The following EBF3 variants were observed in gnomAD, a reference collection of about 807,000 sequenced individuals.
The protein encoded by EBF3 is transcription factor COE3.
EBF3 carries 18 observed loss-of-function variants against 77.1 expected under a neutral mutation model. The observed-to-expected ratio is 0.23, with a 90% confidence interval of 0.16 to 0.35. EBF3 has a LOEUF of 0.35. Among genes scored for constraint, EBF3 ranks in the 10% least tolerant of loss-of-function variants. EBF3 has a pLI of 1.00. For synonymous variants in EBF3, 350 were observed against 343.5 expected, an observed-to-expected ratio of 1.02 and a Z score of -0.21; for missense variants, 558 against 860.0, an observed-to-expected ratio of 0.65 and a Z score of 4.39.
intron 6 of EBF3, among the ~76,000 whole-genome samples, chr10:129,945,833 C>A (rs905750037): frequency 6.6e-6 from 1 of 152,136 alleles, no homozygotes; most frequent in Non-Finnish European, 1.5e-5. Context: ...TCATTATTTT[C>A]GCCTAAACAA....
intron 10 of EBF3, among the ~76,000 whole-genome samples, chr10:129,862,598 C>T (rs1471402823): frequency 6.6e-6 from 1 of 152,196 alleles, no homozygotes; most frequent in Non-Finnish European, 1.5e-5. Context: ...AGTCAAGCCA[C>T]CTCTCCCAAC....
intron 6 of EBF3, among the ~76,000 whole-genome samples, chr10:129,922,624 C>A (rs1856388709): frequency 6.6e-6 from 1 of 152,240 alleles, no homozygotes; most frequent in Non-Finnish European, 1.5e-5. Context: ...GCCGTCCTTG[C>A]ACGGCAGGCT....
At chr10:129,953,073 AAAG>A (rs1403947674) in intron 6 of EBF3, among the ~76,000 whole-genome samples, 2 of 151,864 alleles carry the variant, frequency 1.3e-5, no homozygotes, top group Non-Finnish European at 2.9e-5. Context: ...GAAAGAAAAG[AAAG>A]AAGAAAGACA....
intron 10 of EBF3, among the ~76,000 whole-genome samples, chr10:129,854,034 C>T (rs1437976248): frequency 6.6e-6 from 1 of 152,090 alleles, no homozygotes; most frequent in Non-Finnish European, 1.5e-5. Context: ...AATGTGTGGC[C>T]ACGGAAGACA....
rs547553389 is a variant in EBF3, at chr10:129,957,547, G to A, written c.486-221C>T. Among the ~76,000 whole-genome samples, 27 of 152,276 alleles carry A rather than the reference G, an allele frequency of 1.8e-4. 1 individual carries two copies. The South Asian group carries it at 5.4e-3, about 30-fold the overall frequency. On this transcript the variant is annotated intron_variant, in intron 5 of 16. Transcript: ENST00000440978. The stretch of plus-strand genomic sequence containing the variant: ...AAGTTGAACCTATCTGTTAATACCA[G>A]GAGGGTAACCAGAGTACTATATAGA...
chr10:129,885,570 CCTAT>C lies in EBF3; in HGVS notation c.555-7725_555-7722del, dbSNP rs1295629761. On this transcript the variant is annotated intron_variant, in intron 6 of 16. Transcript: ENST00000440978. This position sits in a 1 kb window ranked among gnomAD's most constrained non-coding sequence, Gnocchi z 4.0. ...TACACTAGGGTTCTTGTTTCAAGTG[CCTAT>C]CTTTCTTTCCCCCCTTTACCTATTT... 1.3e-5 allele frequency among the ~76,000 whole-genome samples: 2 copies of C among 152,118 alleles called. No individual in the cohort carries two copies. The highest frequency in any genetic ancestry group is 2.9e-5 in the Non-Finnish European group (2 of 68,030).
intron 10 of EBF3, among the ~76,000 whole-genome samples, chr10:129,865,102 G>GA (rs941281565): frequency 1.3e-5 from 2 of 152,162 alleles, no homozygotes; most frequent in Admixed American, 1.3e-4. Flanking sequence ...GGACTCAGGG[G>GA]CATGTGGTAC....
At chr10:129,948,102 C>T (rs779420949) in intron 6 of EBF3, among the ~76,000 whole-genome samples, 3 of 151,630 alleles carry the variant, frequency 2.0e-5, no homozygotes, top group Non-Finnish European at 4.4e-5. Context: ...ACTACAAATA[C>T]AAAAAATTAG....
intron 10 of EBF3, among the ~76,000 whole-genome samples, chr10:129,853,372 T>C (rs1362859678): frequency 6.6e-6 from 1 of 152,226 alleles, no homozygotes; most frequent in Non-Finnish European, 1.5e-5. Context: ...TTTGCTTCAT[T>C]CCAGCTGCTG....
chr10:129,867,997 C>T (rs1852148415), intron 8 of EBF3, 85 bp from the exon 9 acceptor site: 14 of 1,552,872 alleles, frequency 9.0e-6, no homozygotes, highest in East Asian at 2.3e-5. Flanking sequence ...CGTCCCGCGG[C>T]CACCGCGGGA....
chr10:129,849,072 T>A (rs1850670124), intron 10 of EBF3, among the ~76,000 whole-genome samples: 1 of 152,248 alleles, frequency 6.6e-6, no homozygotes, highest in African/African-American at 2.4e-5. Flanking sequence ...CAGTAATTAA[T>A]CTTTTTATCC....
intron 5 of EBF3, among the ~76,000 whole-genome samples, chr10:129,957,926 T>G (rs1038085427): frequency 1.3e-5 from 2 of 152,236 alleles, no homozygotes; most frequent in African/African-American, 4.8e-5. Flanking sequence ...AATGGTTACA[T>G]GTCTAAATTA....
At chr10:129,857,381 C>T (rs1182537684) in intron 10 of EBF3, among the ~76,000 whole-genome samples, 1 of 152,126 alleles carries the variant, frequency 6.6e-6, no homozygotes, top group Non-Finnish European at 1.5e-5. Flanking sequence ...AGCCCCCAAC[C>T]CAGCCCTGGG....
chr10:129,924,589 T>C (rs2134378971), intron 6 of EBF3, among the ~76,000 whole-genome samples: 1 of 152,268 alleles, frequency 6.6e-6, no homozygotes, highest in African/African-American at 2.4e-5. Context: ...AAAATAGAAC[T>C]ACCCTATGAT....
At position 129,935,435 on chromosome 10, in the gene EBF3, G is replaced by A. The variant is rs1233451093; in HGVS notation, c.554+21823C>T. On this transcript the variant is annotated intron_variant, in intron 6 of 16. Coordinates refer to ENST00000440978, the MANE Select transcript of EBF3 (RefSeq NM_001375380.1). The surrounding 1 kb of genome is among the most constrained non-coding windows in gnomAD (Gnocchi z 4.2). The stretch of plus-strand genomic sequence containing the variant: ...ATCATTCTGACCTTCCTTCTGTGCT[G>A]CAAACTCCCACCAACGGGACCTCCT... 1.3e-5 allele frequency among the ~76,000 whole-genome samples: 2 copies of A among 152,154 alleles called. No homozygotes were observed. The highest frequency in any genetic ancestry group is 4.8e-5 in the African/African-American group (2 of 41,432).
At chr10:129,843,028 G>A (rs1260361329) in intron 12 of EBF3, 109 bp downstream of exon 12, 30 of 1,064,768 alleles carry the variant, frequency 2.8e-5, no homozygotes, top group Middle Eastern at 5.8e-4. Flanking sequence ...CTGTGGAGTC[G>A]CTGGAAAAGC....
intron 6 of EBF3, among the ~76,000 whole-genome samples, chr10:129,953,439 G>A (rs1325166417): frequency 7.0e-6 from 1 of 143,710 alleles, no homozygotes; most frequent in East Asian, 2.1e-4. Context: ...TCCAAACTCT[G>A]TATGAAAGAA....
chr10:129,841,067 T>C lies in EBF3; in HGVS notation c.1373-35A>G. On this transcript the variant is annotated intron_variant, in intron 13 of 16. Transcript: ENST00000440978. This position sits in a 1 kb window ranked among gnomAD's most constrained non-coding sequence, Gnocchi z 4.6. Reference sequence around the variant, plus strand: ...TCCCCCCCCCGGCCAAAAATAACATTATTATCAGCGACAGACACTTGGGGG... The same window carrying C: ...TCCCCCCCCCGGCCAAAAATAACATCATTATCAGCGACAGACACTTGGGGG... 2 of 1,588,648 alleles carry C rather than the reference T, an allele frequency of 1.3e-6. No individual in the cohort carries two copies. The highest frequency in any genetic ancestry group is 8.6e-7 in the Non-Finnish European group (1 of 1,165,342).
chr10:129,860,656 G>T (rs1851559147), intron 10 of EBF3, among the ~76,000 whole-genome samples: 1 of 152,210 alleles, frequency 6.6e-6, no homozygotes, highest in Admixed American at 6.5e-5. Context: ...TAGCCCAAAA[G>T]CGCTTGACTT....
Sources: gnomAD v4.1 joint callset for allele counts (sites outside exome capture counted in the v4.1 genomes callset) on GRCh38, gnomAD v4.1.1 for gene constraint, Gnocchi (gnomAD v3.1) non-coding constraint, MANE v1.5 for transcripts, NCBI Gene and HGNC (gene_info 2026-07-23, HGNC 2026-07-21) for gene names.